ZDHHC6: variants seen among roughly 807,000 people sequenced by gnomAD.
The protein encoded by ZDHHC6 is palmitoyltransferase ZDHHC6.
In ZDHHC6, 32 loss-of-function variants were observed where a neutral mutation model predicts 57.8. The observed-to-expected ratio is 0.55, with a 90% CI of 0.42 to 0.74. ZDHHC6 has a LOEUF of 0.74. ZDHHC6 is among the 30% of genes least tolerant of loss of function. The probability of loss-of-function intolerance (pLI) is 0.00; values close to 1 mark genes in which losing one functional copy is unlikely to be tolerated. For missense variants in ZDHHC6, 433 were observed against 500.7 expected (o/e 0.86, Z 1.29); for synonymous variants, 128 against 158.0 (o/e 0.81, Z 1.42).
Position 112,439,669 on chromosome 10 carries a change from A to AAAAAAT in ZDHHC6, c.681+864_681+865insATTTTT, listed in dbSNP as rs757796332. Among the ~76,000 whole-genome samples, 18 of 108,610 alleles carry AAAAAAT rather than the reference A, an allele frequency of 1.7e-4. 1 individual carries two copies. Among genetic ancestry groups the AAAAAAT allele is most frequent in the South Asian group, 6.3e-4 (2 of 3,176 alleles). The allele number at this position is 108,610 out of a possible 152,430, so 71.3% of individuals were successfully genotyped here. On this transcript the variant is annotated intron_variant, in intron 5 of 10. Transcript: ENST00000369405. Reference sequence around the variant, plus strand: ...AAAAAAAAAAAAAAAAAAAAAAAAAAGAATGAAAAAGAATGGTTTTTGGTC... The same window carrying AAAAAAT: ...AAAAAAAAAAAAAAAAAAAAAAAAAAAAAAATGAATGAAAAAGAATGGTTTTTGGTC...
At chr10:112,433,400 T>C (rs1845218494) in intron 7 of ZDHHC6, 119 bp from the exon 8 acceptor site, 7 of 764,166 alleles carry the variant, frequency 9.2e-6, no homozygotes, top group South Asian at 4.8e-5. Flanking sequence ...GCATTTCAAG[T>C]TGCTGATAAT....
At chr10:112,427,428 T>G, downstream of ZDHHC6, 2 of 1,426,288 alleles carry the variant, frequency 1.4e-6, no homozygotes, top group South Asian at 1.5e-5. Context: ...AAACTATTCT[T>G]ACATTTGTTT....
At chr10:112,440,812 C>T (rs1453377413) in intron 4 of ZDHHC6, 117 bp from the exon 5 acceptor site, 7 of 742,586 alleles carry the variant, frequency 9.4e-6, no homozygotes, top group Non-Finnish European at 1.2e-5. Flanking sequence ...CTGTGGCCAA[C>T]GCAAACACAG....
intron 8 of ZDHHC6, 30 bp from the exon 9 acceptor site, chr10:112,432,551 A>T (rs779426493): frequency 3.8e-6 from 6 of 1,596,468 alleles, no homozygotes; most frequent in Non-Finnish European, 5.1e-6. Flanking sequence ...GAAACCTTTA[A>T]ATATTCACCC....
intron 7 of ZDHHC6, 35 bp downstream of exon 7, chr10:112,434,262 C>T (rs1360980411): frequency 2.0e-6 from 3 of 1,503,564 alleles, no homozygotes; most frequent in Admixed American, 2.2e-5. Context: ...GAAGGCGAGG[C>T]AAAAAGGAAG....
chr10:112,447,137 C>T (rs1846853253), upstream of ZDHHC6: 2 of 526,310 alleles, frequency 3.8e-6, no homozygotes, highest in South Asian at 5.0e-5. Flanking sequence ...TTTTCCTTTG[C>T]GAACTTACTT....
downstream of ZDHHC6, chr10:112,426,854 G>A (rs879844721): frequency 3.1e-6 from 5 of 1,611,300 alleles, no homozygotes; most frequent in Admixed American, 1.7e-5. Context: ...TAAAACTTTT[G>A]AACAGGTGTG....
At chr10:112,432,665 C>A in intron 8 of ZDHHC6, 144 bp from the exon 9 acceptor site, 1 of 983,732 alleles carries the variant, frequency 1.0e-6, no homozygotes, top group Non-Finnish European at 1.5e-6. Flanking sequence ...TCCCAGTTCC[C>A]CATCCACCTA....
downstream of ZDHHC6, chr10:112,426,716 T>G: frequency 1.1e-5 from 15 of 1,364,168 alleles, no homozygotes; most frequent in East Asian, 2.3e-5. Flanking sequence ...ACAGGCACTT[T>G]GAGTTGGTTC....
In ZDHHC6 at chr10:112,446,900, C is replaced by T; in HGVS notation, c.-410G>A. ...AAGCCGAGCACCTCTCGGCCAGCGC[C>T]CTCGCCAGGACTCTCCCGCTCAGGC... is the stretch of plus-strand genomic sequence containing the variant. On this transcript the variant is annotated 5_prime_UTR_variant, in exon 1 of 11. Coordinates refer to ENST00000369405, the MANE Select transcript of ZDHHC6 (RefSeq NM_022494.3). 1 of 191,778 alleles carries T rather than the reference C, an allele frequency of 5.2e-6. No homozygotes were observed. The highest frequency in any genetic ancestry group is 1.5e-4 in the South Asian group (1 of 6,640). 11.9% of individuals were successfully genotyped at this position (191,778 alleles called of 1,614,324 possible).
chr10:112,441,893 T>C lies in ZDHHC6; in HGVS notation c.519+299A>G, dbSNP rs911554436. On this transcript the variant is annotated intron_variant, in intron 4 of 10. Transcript: ENST00000369405. ...AGGAAGCACTAGTGTTGTCTTTTTTTCTTCTATTCTTTCCATAACTATTAA... is the reference window on the plus strand; with the variant it reads ...AGGAAGCACTAGTGTTGTCTTTTTTCCTTCTATTCTTTCCATAACTATTAA... Among the ~76,000 whole-genome samples the C allele has an allele frequency of 3.3e-5, 5 of 152,236 alleles. No homozygotes were observed. In the East Asian group the frequency reaches 7.7e-4, roughly 23 times the overall value.
At chr10:112,435,100 T>C (rs2133808987) in intron 6 of ZDHHC6, among the ~76,000 whole-genome samples, 1 of 152,338 alleles carries the variant, frequency 6.6e-6, no homozygotes, top group South Asian at 2.1e-4. Context: ...ATATATGCAT[T>C]TATATGTACA....
At chr10:112,425,346 T>C (rs1324185217), downstream of ZDHHC6, 1 of 1,612,238 alleles carries the variant, frequency 6.2e-7, no homozygotes, top group Non-Finnish European at 8.5e-7. Context: ...AGAATGGAAC[T>C]CTGAAGATCA....
At chr10:112,439,668 AAGAATG>A (rs1845917049) in intron 5 of ZDHHC6, among the ~76,000 whole-genome samples, 2 of 132,202 alleles carry the variant, frequency 1.5e-5, no homozygotes, top group African/African-American at 2.7e-5. Flanking sequence ...AAAAAAAAAA[AAGAATG>A]AAAAAGAATG....
At chr10:112,432,186 T>C (rs939923641) in intron 10 of ZDHHC6, 54 bp downstream of exon 10, 48 of 1,530,280 alleles carry the variant, frequency 3.1e-5, no homozygotes, top group Non-Finnish European at 2.8e-5. Context: ...CTTGTAAAAT[T>C]TGGAATTATT....
chr10:112,432,952 A>G (rs545991788), intron 8 of ZDHHC6, among the ~76,000 whole-genome samples: 91 of 152,328 alleles, frequency 6.0e-4, no homozygotes, highest in Middle Eastern at 6.8e-3. Flanking sequence ...GGTGGCCATC[A>G]TATCCAACAA....
At chr10:112,427,448 T>C, downstream of ZDHHC6, 2 of 1,322,306 alleles carry the variant, frequency 1.5e-6, no homozygotes, top group Non-Finnish European at 2.0e-6. Flanking sequence ...TTGCCTTTCC[T>C]CCTATTTTTT....
chr10:112,426,351 C>G, downstream of ZDHHC6: 1 of 1,613,844 alleles, frequency 6.2e-7, no homozygotes, highest in Non-Finnish European at 8.5e-7. Context: ...GGAACTGTGC[C>G]AAAACCAAGT....
In ZDHHC6 at chr10:112,430,854, A is replaced by G; in HGVS notation, c.1192T>C (p.Cys398Arg). ...FPRKCVEKCP[C>R]DAETDQAPEG... is the part of the protein sequence containing the mutation. ...GGGGCTTGATCTGTTTCAGCATCAC[A>G]GGGACACTTTTCCACACATTTTCTA... The change falls in exon 11 of 11, where the codon TGT becomes CGT. Residue 398 changes from cysteine to arginine, a missense_variant. Physicochemically the swap from Cys to Arg is radical, Grantham distance 180 (BLOSUM62 -3). Coordinates refer to ENST00000369405, the MANE Select transcript of ZDHHC6 (RefSeq NM_022494.3). 2 of 1,614,012 alleles carry G rather than the reference A, an allele frequency of 1.2e-6. No individual in the cohort carries two copies. The highest frequency in any genetic ancestry group is 1.7e-6 in the Non-Finnish European group (2 of 1,179,942).
Sources: gnomAD v4.1 joint callset for allele counts (sites outside exome capture counted in the v4.1 genomes callset) on GRCh38, gnomAD v4.1.1 for gene constraint, MANE v1.5 for transcripts, NCBI Gene and HGNC (gene_info 2026-07-23, HGNC 2026-07-21) for gene names.